IKZF1: variants seen among roughly 807,000 people sequenced by gnomAD.
IKZF1 encodes IKAROS family zinc finger 1, also known as DNA-binding protein Ikaros.
A neutral mutation model predicts 51.7 loss-of-function variants in IKZF1; 10 were observed. The observed-to-expected ratio is 0.19, with a 90% confidence interval of 0.12 to 0.33. IKZF1 has a LOEUF of 0.33. IKZF1 is among the 10% of genes least tolerant of loss of function. The pLI, the probability that IKZF1 is intolerant of heterozygous loss-of-function variation, is 1.00. For missense variants in IKZF1, 484 were observed against 707.5 expected (o/e 0.68, Z 3.58); for synonymous variants, 280 against 282.3 (o/e 0.99, Z 0.08).
chr7:50,388,449 C>G (rs1814057703), intron 6 of IKZF1: 1 of 152,198 alleles, frequency 6.6e-6, no homozygotes, highest in Admixed American at 6.5e-5. Context: ...AAAATTGATT[C>G]CAATTAGTCT....
chr7:50,402,360 C>T lies in IKZF1; in HGVS notation c.*1733C>T, dbSNP rs560349851. On this transcript the variant is annotated 3_prime_UTR_variant, in exon 8 of 8. Coordinates refer to ENST00000331340, the MANE Select transcript of IKZF1 (RefSeq NM_006060.6). Reference sequence around the variant, plus strand: ...TTGGGCTGACTACTTATTTGTTAGGCGGGAGCTCTCCTGTGCATTGTAGGA... The same window carrying T: ...TTGGGCTGACTACTTATTTGTTAGGTGGGAGCTCTCCTGTGCATTGTAGGA... 1.0e-4 allele frequency: 23 copies of T among 230,084 alleles called. No homozygotes were observed. The highest frequency in any genetic ancestry group is 4.6e-4 in the African/African-American group (21 of 45,246). The allele number at this position is 230,084 out of a possible 1,614,324, so 14.3% of individuals were successfully genotyped here. A position where few individuals can be genotyped will look rare whatever the true frequency, so the allele number is the denominator to read the frequency against.
At chr7:50,399,771 G>A in intron 7 of IKZF1, 147 bp from the exon 8 acceptor site, 2 of 1,205,874 alleles carry the variant, frequency 1.7e-6, no homozygotes, top group South Asian at 1.6e-5. Flanking sequence ...GTGTGTGTAT[G>A]TGTGCAGGTG....
chr7:50,306,711 C>T (rs761620613), intron 1 of IKZF1, among the ~76,000 whole-genome samples: 2 of 152,216 alleles, frequency 1.3e-5, no homozygotes, highest in African/African-American at 4.8e-5. Flanking sequence ...GCCAAGAGGT[C>T]TAAAGCCCTG....
rs373192449 is a variant in IKZF1 at position 50,327,774 on chromosome 7, C to T, written c.160+17C>T. ...GAGTCGTGGGTAAGTGGGTCACCAG[C>T]GGCCTCTGTGCCTGTGAAACCTTTA... On this transcript the variant is annotated intron_variant, in intron 3 of 7. Transcript: ENST00000331340. 151 of 1,599,014 alleles carry T rather than the reference C, an allele frequency of 9.4e-5. No individual in the cohort carries two copies. The highest frequency in any genetic ancestry group is 4.3e-4 in the Admixed American group (25 of 57,474).
chr7:50,336,815 T>A (rs1381922282), intron 3 of IKZF1, among the ~76,000 whole-genome samples: 7 of 151,938 alleles, frequency 4.6e-5, no homozygotes, highest in Non-Finnish European at 1.0e-4. Context: ...GTCTGGAAGG[T>A]AGGGATGTAA....
intron 4 of IKZF1, among the ~76,000 whole-genome samples, chr7:50,381,321 C>T (rs80293006): frequency 0.015 from 2,346 of 152,218 alleles, 71 homozygotes; most frequent in African/African-American, 0.054. Flanking sequence ...AAAGTGACTC[C>T]AGGAAATATG....
intron 2 of IKZF1, 108 bp from the exon 3 acceptor site, chr7:50,327,530 C>A: frequency 7.6e-7 from 1 of 1,311,374 alleles, no homozygotes; most frequent in Non-Finnish European, 1.0e-6. Flanking sequence ...AGCACTGGCT[C>A]CACCCAGTAC....
chr7:50,360,103 C>G (rs1343824642), intron 3 of IKZF1, among the ~76,000 whole-genome samples: 1 of 152,098 alleles, frequency 6.6e-6, no homozygotes, highest in Non-Finnish European at 1.5e-5. Context: ...CTCCTCTGTG[C>G]TGAGTCACCT....
At chr7:50,384,171 A>G (rs1436419280) in intron 5 of IKZF1, among the ~76,000 whole-genome samples, 1 of 152,160 alleles carries the variant, frequency 6.6e-6, no homozygotes, top group African/African-American at 2.4e-5. Flanking sequence ...GACATTCTAA[A>G]CTAGTGTGTG....
In IKZF1 at chr7:50,400,570, C is replaced by T. The variant is rs369022540; in HGVS notation, c.1503C>T (p.Asp501=). ...ACATGTGCGGCTACCACAGCCAGGA[C>T]CGGTACGAGTTCTCGTCGCACATAA... ...ECNMCGYHSQ[D]RYEFSSHITR... The change falls in exon 8 of 8, where the codon GAC becomes GAT. Residue 501 remains aspartate, a synonymous_variant. Coordinates refer to ENST00000331340, the MANE Select transcript of IKZF1 (RefSeq NM_006060.6). The surrounding 1 kb of genome is among the most constrained non-coding windows in gnomAD (Gnocchi z 5.4). 3.1e-6 allele frequency: 5 copies of T among 1,613,700 alleles called. No homozygotes were observed. Among genetic ancestry groups the T allele is most frequent in the Non-Finnish European group, 4.2e-6 (5 of 1,179,940 alleles).
chr7:50,399,880 G>A (rs755990021), intron 7 of IKZF1, 38 bp from the exon 8 acceptor site: 9 of 1,577,520 alleles, frequency 5.7e-6, no homozygotes, highest in Middle Eastern at 1.7e-4. Flanking sequence ...GGTTCCGGAG[G>A]TGGCCGCGCC....
chr7:50,373,537 A>T (rs1443057356), intron 3 of IKZF1, among the ~76,000 whole-genome samples: 1 of 152,214 alleles, frequency 6.6e-6, no homozygotes, highest in Admixed American at 6.5e-5. Flanking sequence ...CCTCGGAAGC[A>T]CTAGGCCTAC....
At chr7:50,370,099 C>G (rs1037460902) in intron 3 of IKZF1, among the ~76,000 whole-genome samples, 3 of 152,102 alleles carry the variant, frequency 2.0e-5, no homozygotes, top group African/African-American at 7.2e-5. Flanking sequence ...TTTTTACTTG[C>G]TAGTCACCAG....
chr7:50,402,147 G>A lies in IKZF1; in HGVS notation c.*1520G>A, dbSNP rs902948208. 4.3e-6 allele frequency: 1 copy of A among 230,620 alleles called. No homozygotes were observed. 14.3% of individuals were successfully genotyped at this position (230,620 alleles called of 1,614,324 possible). On this transcript the variant is annotated 3_prime_UTR_variant, in exon 8 of 8. Coordinates refer to ENST00000331340, the MANE Select transcript of IKZF1 (RefSeq NM_006060.6). The stretch of plus-strand genomic sequence containing the variant: ...AGCAAGGGTCTCCTTCAAGATTAAT[G>A]CTATCAATCATTAAGGTCATTACTC...
In IKZF1 at chr7:50,400,770, G is replaced by A. The variant is rs1020618880; in HGVS notation, c.*143G>A. On this transcript the variant is annotated 3_prime_UTR_variant, in exon 8 of 8. Coordinates refer to ENST00000331340, the MANE Select transcript of IKZF1 (RefSeq NM_006060.6). The surrounding 1 kb of genome is among the most constrained non-coding windows in gnomAD (Gnocchi z 5.4). ...GATTTGTAACTGTTTTTTGTTTTTTGTTTGAGTTGGTTGATTGGGGTTTGA... is the reference window on the plus strand; with the variant it reads ...GATTTGTAACTGTTTTTTGTTTTTTATTTGAGTTGGTTGATTGGGGTTTGA... 10 of 1,082,244 alleles carry A rather than the reference G, an allele frequency of 9.2e-6. No homozygotes were observed. Among genetic ancestry groups the A allele is most frequent in the Non-Finnish European group, 1.3e-5 (10 of 770,252 alleles). The allele number at this position is 1,082,244 out of a possible 1,614,324, so 67.0% of individuals were successfully genotyped here.
intron 2 of IKZF1, among the ~76,000 whole-genome samples, chr7:50,326,593 T>C (rs1795084249): frequency 6.6e-6 from 1 of 152,218 alleles, no homozygotes; most frequent in South Asian, 2.1e-4. Context: ...TAGGAGTGAT[T>C]CCCCAATGCT....
rs1461095660 is a variant in IKZF1, at chr7:50,400,853, A to T, written c.*226A>T. Reference sequence around the variant, plus strand: ...CAGGGCTGCATTGGGAGCATCCAGAACTGCTACCTTCCTAGATGTTTCCCC... The same window carrying T: ...CAGGGCTGCATTGGGAGCATCCAGATCTGCTACCTTCCTAGATGTTTCCCC... On this transcript the variant is annotated 3_prime_UTR_variant, in exon 8 of 8. Transcript: ENST00000331340. The surrounding 1 kb of genome is among the most constrained non-coding windows in gnomAD (Gnocchi z 5.4). 1 of 587,984 alleles carries T rather than the reference A, an allele frequency of 1.7e-6. No individual in the cohort carries two copies. Among genetic ancestry groups the T allele is most frequent in the Non-Finnish European group, 2.9e-6 (1 of 341,438 alleles). The allele number at this position is 587,984 out of a possible 1,614,324, so 36.4% of individuals were successfully genotyped here. A position where few individuals can be genotyped will look rare whatever the true frequency, so the allele number is the denominator to read the frequency against.
chr7:50,367,908 C>T (rs925274788), intron 3 of IKZF1: 11 of 605,172 alleles, frequency 1.8e-5, no homozygotes, highest in African/African-American at 5.6e-5. Flanking sequence ...AGTAATAAAA[C>T]GTTCTTTTTT....
At chr7:50,305,245 G>A (rs946812320) in intron 1 of IKZF1, among the ~76,000 whole-genome samples, 2 of 152,176 alleles carry the variant, frequency 1.3e-5, no homozygotes, top group African/African-American at 4.8e-5. Context: ...TTATAAAGTC[G>A]TGTGTAAAGA....
Sources: gnomAD v4.1 joint callset for allele counts (sites outside exome capture counted in the v4.1 genomes callset) on GRCh38, gnomAD v4.1.1 for gene constraint, Gnocchi (gnomAD v3.1) non-coding constraint, MANE v1.5 for transcripts, NCBI Gene and HGNC (gene_info 2026-07-23, HGNC 2026-07-21) for gene names.